RYR2: variants seen among roughly 807,000 people sequenced by gnomAD.
RYR2 encodes the protein ryanodine receptor 2.
In RYR2, 227 loss-of-function variants were observed where a neutral mutation model predicts 601.1. That is an observed-to-expected ratio of 0.38 (90% CI 0.34 to 0.42). The LOEUF (loss-of-function observed/expected upper bound fraction) is 0.42, where lower values mean the gene tolerates loss of function less well. RYR2 is among the 10% of genes least tolerant of loss of function. The pLI, the probability that RYR2 is intolerant of heterozygous loss-of-function variation, is 1.00. For missense variants in RYR2, 4,646 were observed against 6,156.5 expected, an observed-to-expected ratio of 0.75 and a Z score of 8.21; for synonymous variants, 2,223 against 2,175.1, an observed-to-expected ratio of 1.02 and a Z score of -0.61.
chr1:237,328,699 T>C (rs1356864077), intron 2 of RYR2, among the ~76,000 whole-genome samples: 1 of 152,210 alleles, frequency 6.6e-6, no homozygotes, highest in Non-Finnish European at 1.5e-5. Flanking sequence ...CATTTATCCA[T>C]AAAATAATTT....
chr1:237,647,222 A>G (rs1682260990), intron 48 of RYR2, among the ~76,000 whole-genome samples: 1 of 152,220 alleles, frequency 6.6e-6, no homozygotes, highest in Non-Finnish European at 1.5e-5. Flanking sequence ...TGGTTTAAAT[A>G]CAACTCTGTC....
intron 17 of RYR2, among the ~76,000 whole-genome samples, chr1:237,485,836 T>C (rs575877886): frequency 6.6e-6 from 1 of 152,296 alleles, no homozygotes; most frequent in African/African-American, 2.4e-5. Flanking sequence ...TGATATTCTA[T>C]GCTAAGGGGA....
rs185624684 is a variant in RYR2, at chr1:237,351,129, C to T, written c.274-4836C>T. 1.0e-3 allele frequency among the ~76,000 whole-genome samples: 152 copies of T among 151,986 alleles called. 1 individual carries two copies. Among genetic ancestry groups the T allele is most frequent in the Admixed American group, 3.4e-3 (52 of 15,252 alleles). ...GCAAATCCATAAGCCTATGAATCAA[C>T]GAGTTAATCAAAATGGCAAATTATA... is the stretch of plus-strand genomic sequence containing the variant. On this transcript the variant is annotated intron_variant, in intron 3 of 104. Coordinates refer to ENST00000366574, the MANE Select transcript of RYR2 (RefSeq NM_001035.3).
At chr1:237,808,177 G>A (rs1388115886) in intron 99 of RYR2, among the ~76,000 whole-genome samples, 2 of 152,104 alleles carry the variant, frequency 1.3e-5, no homozygotes, top group Non-Finnish European at 2.9e-5. Context: ...TGTTTACAAA[G>A]CAAGATTTCT....
intron 17 of RYR2, among the ~76,000 whole-genome samples, chr1:237,487,806 T>G (rs562365390): frequency 2.4e-3 from 363 of 151,376 alleles, no homozygotes; most frequent in African/African-American, 8.2e-3. Flanking sequence ...ATATTTCAGT[T>G]TATTCCAATA....
chr1:237,760,938 T>A lies in RYR2; in HGVS notation c.11403-17T>A. 1 of 1,524,624 alleles carries A rather than the reference T, an allele frequency of 6.6e-7. No individual in the cohort carries two copies. The highest frequency in any genetic ancestry group is 8.9e-7 in the Non-Finnish European group (1 of 1,122,980). The allele number at this position is 1,524,624 out of a possible 1,614,324, so 94.4% of individuals were successfully genotyped here. A position where few individuals can be genotyped will look rare whatever the true frequency, so the allele number is the denominator to read the frequency against. Reference sequence around the variant, plus strand: ...CTATTAGTCCTCTAAATGTTTTTTTTTCCCTTGTTATTATAGTGTCCTTGA... The same window carrying A: ...CTATTAGTCCTCTAAATGTTTTTTTATCCCTTGTTATTATAGTGTCCTTGA... On this transcript the variant is annotated splice_polypyrimidine_tract_variant and intron_variant, in intron 83 of 104. Coordinates refer to ENST00000366574, the MANE Select transcript of RYR2 (RefSeq NM_001035.3).
chr1:237,107,298 G>C (rs1668794137), intron 1 of RYR2, among the ~76,000 whole-genome samples: 1 of 151,498 alleles, frequency 6.6e-6, no homozygotes, highest in African/African-American at 2.4e-5. Context: ...GAGGCGGGCG[G>C]ATCACGAGGT....
intron 1 of RYR2, among the ~76,000 whole-genome samples, chr1:237,055,133 G>A (rs900486792): frequency 1.3e-5 from 2 of 152,144 alleles, no homozygotes; most frequent in East Asian, 1.9e-4. Flanking sequence ...ACCCTTGAGA[G>A]TGCCATTCCC....
intron 3 of RYR2, among the ~76,000 whole-genome samples, chr1:237,355,248 C>T (rs962538975): frequency 3.3e-5 from 5 of 152,058 alleles, no homozygotes; most frequent in Non-Finnish European, 5.9e-5. Context: ...GTATGTCTCT[C>T]AATGTTGAAA....
At chr1:237,686,093 A>T (rs1686367161) in intron 62 of RYR2, among the ~76,000 whole-genome samples, 1 of 152,124 alleles carries the variant, frequency 6.6e-6, no homozygotes, top group African/African-American at 2.4e-5. Flanking sequence ...ATGGTATTCC[A>T]TGGCTGGTCT....
intron 50 of RYR2, 45 bp from the exon 51 acceptor site, chr1:237,651,366 T>C: frequency 2.3e-6 from 3 of 1,323,332 alleles, no homozygotes; most frequent in African/African-American, 1.5e-5. Context: ...CTACTTAGTT[T>C]AGAAACATTT....
chr1:237,679,502 A>G (rs1685671787), intron 61 of RYR2, among the ~76,000 whole-genome samples: 2 of 152,274 alleles, frequency 1.3e-5, no homozygotes, highest in East Asian at 3.9e-4. Context: ...GGTAGTGCCG[A>G]TCTTGTTCTT....
intron 84 of RYR2, among the ~76,000 whole-genome samples, chr1:237,762,990 A>G (rs1480343776): frequency 1.3e-5 from 2 of 152,166 alleles, no homozygotes; most frequent in Non-Finnish European, 2.9e-5. Context: ...CTTGATAGTG[A>G]CAATTTCCGT....
At chr1:237,683,825 G>A (rs1402603070) in intron 62 of RYR2, among the ~76,000 whole-genome samples, 2 of 152,186 alleles carry the variant, frequency 1.3e-5, no homozygotes, top group African/African-American at 4.8e-5. Context: ...GGAGGCCATG[G>A]CAGGCACCTG....
chr1:237,484,501 A>G (rs1662466840), intron 17 of RYR2, among the ~76,000 whole-genome samples: 1 of 152,066 alleles, frequency 6.6e-6, no homozygotes, highest in South Asian at 2.1e-4. Flanking sequence ...GTCTAATTCC[A>G]TTCACTTCTT....
intron 40 of RYR2, among the ~76,000 whole-genome samples, chr1:237,627,488 T>C (rs1477570950): frequency 1.3e-5 from 2 of 152,204 alleles, no homozygotes; most frequent in African/African-American, 2.4e-5. Flanking sequence ...GGACACCTTA[T>C]ATTAATTGCC....
chr1:237,429,558 A>G (rs1325728208), intron 12 of RYR2, among the ~76,000 whole-genome samples: 2 of 152,166 alleles, frequency 1.3e-5, no homozygotes, highest in East Asian at 3.9e-4. Context: ...TCTAACTGTG[A>G]TCTCTCAAAA....
chr1:237,260,531 A>G (rs2149309520), intron 1 of RYR2, among the ~76,000 whole-genome samples: 1 of 152,280 alleles, frequency 6.6e-6, no homozygotes, highest in African/African-American at 2.4e-5. Context: ...CAAGTGTTTT[A>G]CAAAGGAATA....
chr1:237,117,908 C>T (rs1572695709), intron 1 of RYR2, among the ~76,000 whole-genome samples: 1 of 152,108 alleles, frequency 6.6e-6, no homozygotes, highest in Non-Finnish European at 1.5e-5. Context: ...CCACGCCTCA[C>T]TAATTTTTTG....
Sources: gnomAD v4.1 joint callset for allele counts (sites outside exome capture counted in the v4.1 genomes callset) on GRCh38, gnomAD v4.1.1 for gene constraint, MANE v1.5 for transcripts, NCBI Gene and HGNC (gene_info 2026-07-23, HGNC 2026-07-21) for gene names.